The following CCSER1 variants were observed in gnomAD, a reference collection of about 807,000 sequenced individuals.
The protein encoded by CCSER1 is coiled-coil serine rich protein 1.
In CCSER1, 41 loss-of-function variants were observed where a neutral mutation model predicts 82.0. That is an observed-to-expected ratio of 0.50 (90% confidence interval 0.39 to 0.65). The LOEUF is 0.65. CCSER1 is among the 30% of genes least tolerant of loss of function. The pLI is 0.00. For synonymous variants in CCSER1, 414 were observed against 383.9 expected (o/e 1.08, Z -0.92); for missense variants, 1,119 against 1,064.2 (o/e 1.05, Z -0.72).
At chr4:90,218,069 GGGATTACAGGCAT>G (rs1741438775) in intron 1 of CCSER1, among the ~76,000 whole-genome samples, 2 of 152,074 alleles carry the variant, frequency 1.3e-5, no homozygotes, top group Non-Finnish European at 2.9e-5. Context: ...CCAAAGTTCT[GGGATTACAGGCAT>G]GGGTCCCCAT....
At chr4:91,392,829 C>A (rs1393693966) in intron 10 of CCSER1, among the ~76,000 whole-genome samples, 1 of 152,018 alleles carries the variant, frequency 6.6e-6, no homozygotes, top group Non-Finnish European at 1.5e-5. Flanking sequence ...TTTTTCTGAT[C>A]TACTTCAAGG....
At chr4:91,488,920 T>C (rs186721139) in intron 10 of CCSER1, among the ~76,000 whole-genome samples, 2 of 152,170 alleles carry the variant, frequency 1.3e-5, no homozygotes, top group African/African-American at 2.4e-5. Context: ...TAAACAAACA[T>C]ACAATTTGTT....
chr4:91,218,079 C>A (rs553149776), intron 10 of CCSER1, among the ~76,000 whole-genome samples: 1 of 152,316 alleles, frequency 6.6e-6, no homozygotes, highest in South Asian at 2.1e-4. Flanking sequence ...GTGGGAGGCT[C>A]AGGCATGGAG....
At chr4:90,390,154 G>T (rs1372614540) in intron 3 of CCSER1, among the ~76,000 whole-genome samples, 1 of 152,188 alleles carries the variant, frequency 6.6e-6, no homozygotes, top group Non-Finnish European at 1.5e-5. Context: ...AATCAATTTT[G>T]CAGAGGTAGA....
At chr4:91,029,495 G>A (rs761085330) in intron 9 of CCSER1, among the ~76,000 whole-genome samples, 6 of 151,980 alleles carry the variant, frequency 3.9e-5, no homozygotes, top group Non-Finnish European at 8.8e-5. Flanking sequence ...TGCTGGTAGT[G>A]TGTTCTAAGG....
At chr4:91,550,330 C>A (rs1168330973) in intron 10 of CCSER1, among the ~76,000 whole-genome samples, 2 of 152,146 alleles carry the variant, frequency 1.3e-5, no homozygotes, top group South Asian at 2.1e-4. Context: ...CATGACTGGT[C>A]CCCTTTGGAG....
At chr4:91,455,820 T>C (rs78386874) in intron 10 of CCSER1, among the ~76,000 whole-genome samples, 2,440 of 152,042 alleles carry the variant, frequency 0.016, 43 homozygotes, top group African/African-American at 0.055. Context: ...TAAAGATGTG[T>C]GTATGTGGAG....
chr4:90,955,585 T>C (rs780265251), intron 9 of CCSER1, among the ~76,000 whole-genome samples: 1 of 152,164 alleles, frequency 6.6e-6, no homozygotes, highest in African/African-American at 2.4e-5. Flanking sequence ...GGATTCTGCC[T>C]CAGGACATTC....
At chr4:90,611,059 CTT>C (rs201354908) in intron 5 of CCSER1, among the ~76,000 whole-genome samples, 4 of 93,820 alleles carry the variant, frequency 4.3e-5, no homozygotes, top group African/African-American at 1.7e-4. Context: ...CTTTTCTTTT[CTT>C]TTTTTTTTTT....
chr4:90,695,599 T>C (rs1324961995), intron 6 of CCSER1, among the ~76,000 whole-genome samples: 1 of 152,032 alleles, frequency 6.6e-6, no homozygotes, highest in Non-Finnish European at 1.5e-5. Flanking sequence ...ACAGTTGTGA[T>C]TGTCTGAGGT....
At chr4:90,343,391 T>G (rs1741768395) in intron 3 of CCSER1, among the ~76,000 whole-genome samples, 1 of 152,112 alleles carries the variant, frequency 6.6e-6, no homozygotes, top group Non-Finnish European at 1.5e-5. Context: ...CCAAGGTGGA[T>G]GGATCATTTG....
At chr4:90,776,961 G>A (rs913433314) in intron 7 of CCSER1, among the ~76,000 whole-genome samples, 5 of 151,882 alleles carry the variant, frequency 3.3e-5, no homozygotes, top group African/African-American at 4.8e-5. Context: ...CATTATATTC[G>A]CAGTATCTGG....
chr4:91,547,935 C>A (rs1265849035), intron 10 of CCSER1, among the ~76,000 whole-genome samples: 2 of 152,014 alleles, frequency 1.3e-5, no homozygotes, highest in East Asian at 3.9e-4. Flanking sequence ...GCGCATGCCA[C>A]CATGCCCAGC....
At chr4:91,159,522 A>G (rs1407823875) in intron 10 of CCSER1, among the ~76,000 whole-genome samples, 1 of 151,994 alleles carries the variant, frequency 6.6e-6, no homozygotes. Context: ...AATATTAATT[A>G]TTAATATACA....
At chr4:90,156,650 T>G (rs564274856) in intron 1 of CCSER1, among the ~76,000 whole-genome samples, 1 of 152,324 alleles carries the variant, frequency 6.6e-6, no homozygotes, top group Non-Finnish European at 1.5e-5. Flanking sequence ...TCTCTTTTGA[T>G]CTTTGTTGGT....
rs1578459934 is a variant in CCSER1 at position 90,437,202 on chromosome 4, G to A, written c.1604-31032G>A. Among the ~76,000 whole-genome samples, 4 of 152,020 alleles carry A rather than the reference G, an allele frequency of 2.6e-5. No homozygotes were observed. In the South Asian group the frequency reaches 6.2e-4, roughly 24 times the overall value. ...AAGTACTCATTTTTATTTTATGTTA[G>A]ATTTGAAGATTTAATTTATAATTAA... On this transcript the variant is annotated intron_variant, in intron 4 of 10. Transcript: ENST00000509176.
chr4:90,185,468 A>G (rs1487243300), intron 1 of CCSER1, among the ~76,000 whole-genome samples: 1 of 152,114 alleles, frequency 6.6e-6, no homozygotes, highest in Non-Finnish European at 1.5e-5. Flanking sequence ...AGTCAAATGT[A>G]CAATATGGAT....
chr4:91,441,515 T>C (rs1049167717), intron 10 of CCSER1, among the ~76,000 whole-genome samples: 17 of 152,022 alleles, frequency 1.1e-4, no homozygotes, highest in South Asian at 6.2e-4. Flanking sequence ...GCCAATATCA[T>C]ACTGAATGGG....
At chr4:90,712,635 G>C (rs148623832) in intron 6 of CCSER1, among the ~76,000 whole-genome samples, 1 of 151,822 alleles carries the variant, frequency 6.6e-6, no homozygotes, top group Non-Finnish European at 1.5e-5. Context: ...GGAGAGTTCT[G>C]TAGATATCCG....
Sources: gnomAD v4.1 joint callset for allele counts (sites outside exome capture counted in the v4.1 genomes callset) on GRCh38, gnomAD v4.1.1 for gene constraint, MANE v1.5 for transcripts, NCBI Gene and HGNC (gene_info 2026-07-23, HGNC 2026-07-21) for gene names.